The following AGAP1 variants were observed in gnomAD, a reference collection of about 807,000 sequenced individuals.
AGAP1 encodes the protein arf-GAP with GTPase, ANK repeat and PH domain-containing protein 1.
Under a neutral mutation model 105.3 loss-of-function variants are expected in AGAP1, and 29 were observed. That is an observed-to-expected ratio of 0.28 (90% confidence interval 0.21 to 0.38). AGAP1 has a LOEUF of 0.38. Among genes scored for constraint, AGAP1 ranks in the 10% least tolerant of loss-of-function variants. AGAP1 has a pLI of 1.00. For missense variants in AGAP1, 998 were observed against 1,165.1 expected (o/e 0.86, Z 2.09); for synonymous variants, 509 against 485.9 (o/e 1.05, Z -0.63).
At chr2:236,070,017 C>G (rs1046554737) in intron 16 of AGAP1, among the ~76,000 whole-genome samples, 2 of 152,370 alleles carry the variant, frequency 1.3e-5, no homozygotes, top group African/African-American at 4.8e-5. Context: ...TGACGCCACC[C>G]AAGGGCACAC....
chr2:235,643,431 C>CAAAAAAAAAAAAAAAAAACAAAAAAAAA (rs1947264605), intron 1 of AGAP1, among the ~76,000 whole-genome samples: 1 of 61,404 alleles, frequency 1.6e-5, no homozygotes, highest in African/African-American at 6.9e-5. Context: ...GACTGGGTCT[C>CAAAAAAAAAAAAAAAAAACAAAAAAAAA]AAAAAAAAAA....
At chr2:235,924,256 C>G (rs2052336563) in intron 11 of AGAP1, among the ~76,000 whole-genome samples, 1 of 152,162 alleles carries the variant, frequency 6.6e-6, no homozygotes, top group East Asian at 1.9e-4. Context: ...ATTCCAAAGT[C>G]TAAAAGCTGC....
Position 235,860,265 on chromosome 2 carries a change from A to G in AGAP1, c.1051-23080A>G, listed in dbSNP as rs2048874687. ...CATCCTAGCACTCAAGGCAAAAAGGAAGATAATAATGCTGAGCTCTGCTGG... is the reference window on the plus strand; with the variant it reads ...CATCCTAGCACTCAAGGCAAAAAGGGAGATAATAATGCTGAGCTCTGCTGG... On this transcript the variant is annotated intron_variant, in intron 9 of 17. Coordinates refer to ENST00000304032, the MANE Select transcript of AGAP1 (RefSeq NM_001037131.3). Among the ~76,000 whole-genome samples the G allele has an allele frequency of 1.3e-5, 2 of 152,258 alleles. 1 individual carries two copies. Among genetic ancestry groups the G allele is most frequent in the African/African-American group, 4.8e-5 (2 of 41,478 alleles).
At chr2:235,923,404 A>G (rs917786908) in intron 11 of AGAP1, among the ~76,000 whole-genome samples, 2 of 152,182 alleles carry the variant, frequency 1.3e-5, no homozygotes, top group African/African-American at 2.4e-5. Context: ...CAACATACAC[A>G]TAAGACGCAC....
intron 1 of AGAP1, among the ~76,000 whole-genome samples, chr2:235,619,865 T>G (rs1014920584): frequency 6.6e-6 from 1 of 152,198 alleles, no homozygotes; most frequent in Non-Finnish European, 1.5e-5. Context: ...TTCTACTTTT[T>G]TCTGCAAGGT....
chr2:235,623,465 G>A lies in AGAP1; in HGVS notation c.164-85714G>A, dbSNP rs1208792077. ...TGGGATTTGCTGCTTCAAGGTTTCAGGATGACACAAGCCATCGGGTTGAGT... is the reference window on the plus strand; with the variant it reads ...TGGGATTTGCTGCTTCAAGGTTTCAAGATGACACAAGCCATCGGGTTGAGT... On this transcript the variant is annotated intron_variant, in intron 1 of 17. Coordinates refer to ENST00000304032, the MANE Select transcript of AGAP1 (RefSeq NM_001037131.3). This position sits in a 1 kb window ranked among gnomAD's most constrained non-coding sequence, Gnocchi z 4.5. 6.6e-6 allele frequency among the ~76,000 whole-genome samples: 1 copy of A among 152,166 alleles called. No homozygotes were observed. The highest frequency in any genetic ancestry group is 6.5e-5 in the Admixed American group (1 of 15,288).
Position 235,712,783 on chromosome 2 carries a change from C to A in AGAP1, c.222+3546C>A, listed in dbSNP as rs1436979358. ...CTGTGATTTTCAAGACACCTCATTCCTCCTCATGTAGCTCTTTGGCTCGCT... is the reference window on the plus strand; with the variant it reads ...CTGTGATTTTCAAGACACCTCATTCATCCTCATGTAGCTCTTTGGCTCGCT... On this transcript the variant is annotated intron_variant, in intron 2 of 17. Coordinates refer to ENST00000304032, the MANE Select transcript of AGAP1 (RefSeq NM_001037131.3). This position sits in a 1 kb window ranked among gnomAD's most constrained non-coding sequence, Gnocchi z 6.0. Among the ~76,000 whole-genome samples, 2 of 152,222 alleles carry A rather than the reference C, an allele frequency of 1.3e-5. No homozygotes were observed. Among genetic ancestry groups the A allele is most frequent in the African/African-American group, 4.8e-5 (2 of 41,458 alleles).
intron 10 of AGAP1, among the ~76,000 whole-genome samples, chr2:235,895,754 G>A (rs564098827): frequency 2.0e-5 from 3 of 149,960 alleles, no homozygotes; most frequent in Non-Finnish European, 4.4e-5. Context: ...TGGATGAATG[G>A]AGGCACAATT....
intron 3 of AGAP1, among the ~76,000 whole-genome samples, chr2:235,735,515 A>T (rs896883495): frequency 7.2e-5 from 11 of 152,212 alleles, no homozygotes; most frequent in African/African-American, 2.7e-4. Flanking sequence ...ACTGGCTCTC[A>T]CATTGTGAGA....
chr2:235,954,679 C>T lies in AGAP1; in HGVS notation c.1484-13783C>T, dbSNP rs142477605. ...CAGCACACCAGCAGCCTCCACACCCCGCCTCTACCTGCCAACCCCTTGTGA... is the reference window on the plus strand; with the variant it reads ...CAGCACACCAGCAGCCTCCACACCCTGCCTCTACCTGCCAACCCCTTGTGA... On this transcript the variant is annotated intron_variant, in intron 12 of 17. Coordinates refer to ENST00000304032, the MANE Select transcript of AGAP1 (RefSeq NM_001037131.3). Among the ~76,000 whole-genome samples the T allele has an allele frequency of 1.3e-4, 20 of 151,646 alleles. No homozygotes were observed. The East Asian group carries it at 2.5e-3, about 19-fold the overall frequency.
chr2:235,788,324 G>A lies in AGAP1; in HGVS notation c.674-9435G>A, dbSNP rs190614900. On this transcript the variant is annotated intron_variant, in intron 6 of 17. Coordinates refer to ENST00000304032, the MANE Select transcript of AGAP1 (RefSeq NM_001037131.3). The surrounding 1 kb of genome is among the most constrained non-coding windows in gnomAD (Gnocchi z 6.0). Reference sequence around the variant, plus strand: ...GGATAGGAAAAGACCTAGAAGATTTGAGGATTTTAATTCAGGAAAGTCCAC... The same window carrying A: ...GGATAGGAAAAGACCTAGAAGATTTAAGGATTTTAATTCAGGAAAGTCCAC... 1.3e-5 allele frequency among the ~76,000 whole-genome samples: 2 copies of A among 152,308 alleles called. No homozygotes were observed. Among genetic ancestry groups the A allele is most frequent in the Admixed American group, 1.3e-4 (2 of 15,302 alleles).
At chr2:235,985,404 G>A (rs1027216924) in intron 13 of AGAP1, among the ~76,000 whole-genome samples, 1 of 152,164 alleles carries the variant, frequency 6.6e-6, no homozygotes, top group East Asian at 1.9e-4. Flanking sequence ...TAGGTTGCCT[G>A]TTCACTCTGA....
Position 235,951,117 on chromosome 2 carries a change from G to A in AGAP1, c.1484-17345G>A, listed in dbSNP as rs1422840567. 2.0e-5 allele frequency among the ~76,000 whole-genome samples: 3 copies of A among 152,158 alleles called. No homozygotes were observed. Among genetic ancestry groups the A allele is most frequent in the Non-Finnish European group, 4.4e-5 (3 of 68,026 alleles). ...TCATTAATTCTGGAGGTTGCACTCT[G>A]AATGATTTCTTATTTTGTGGAAAAT... On this transcript the variant is annotated intron_variant, in intron 12 of 17. Coordinates refer to ENST00000304032, the MANE Select transcript of AGAP1 (RefSeq NM_001037131.3). This position sits in a 1 kb window ranked among gnomAD's most constrained non-coding sequence, Gnocchi z 4.2.
At chr2:235,826,021 A>T (rs987051188) in intron 9 of AGAP1, among the ~76,000 whole-genome samples, 2 of 152,190 alleles carry the variant, frequency 1.3e-5, no homozygotes, top group Non-Finnish European at 2.9e-5. Flanking sequence ...CAGAAAAAAA[A>T]AAATAGAAAC....
chr2:235,876,020 A>G (rs996338728), intron 9 of AGAP1, among the ~76,000 whole-genome samples: 1 of 152,224 alleles, frequency 6.6e-6, no homozygotes, highest in South Asian at 2.1e-4. Context: ...TGTCAGACCC[A>G]TGACCAAGAT....
rs371177722 is a variant in AGAP1, at chr2:235,930,835, C to T, written c.1395C>T (p.Pro465=). The T allele has an allele frequency of 1.2e-5, 20 of 1,613,946 alleles. No individual in the cohort carries two copies. The highest frequency in any genetic ancestry group is 1.6e-4 in the Middle Eastern group (1 of 6,084). Residue 465 remains proline (P), a synonymous_variant, in exon 12 of 18, where the codon CCC becomes CCT. Coordinates refer to ENST00000304032, the MANE Select transcript of AGAP1 (RefSeq NM_001037131.3). This position sits in a 1 kb window ranked among gnomAD's most constrained non-coding sequence, Gnocchi z 7.9. ...GCCTGGTCTCCTTCAACAGCCGACC[C>T]GACGGCATGCACCAGCGCTCCTACT... ...GISLVSFNSR[P]DGMHQRSYSV... is the part of the protein sequence containing the mutation.
chr2:236,111,789 C>CA lies in AGAP1; in HGVS notation c.2115-8385dup, dbSNP rs3030776. On this transcript the variant is annotated intron_variant, in intron 16 of 17. Coordinates refer to ENST00000304032, the MANE Select transcript of AGAP1 (RefSeq NM_001037131.3). ...CCTAGGCAACAGTGCGACTCTATCTCAAAAAAAAAAAAAAAAAAGAAAGGG... is the reference window on the plus strand; with the variant it reads ...CCTAGGCAACAGTGCGACTCTATCTCAAAAAAAAAAAAAAAAAAAGAAAGGG... Among the ~76,000 whole-genome samples, 1,034 of 120,190 alleles carry CA rather than the reference C, an allele frequency of 8.6e-3. 8 individuals carry two copies. Among genetic ancestry groups the CA allele is most frequent in the Non-Finnish European group, 0.014 (750 of 54,300 alleles). 78.8% of individuals were successfully genotyped at this position (120,190 alleles called of 152,430 possible).
chr2:235,832,467 A>G, intron 9 of AGAP1, among the ~76,000 whole-genome samples: 1 of 152,338 alleles, frequency 6.6e-6, no homozygotes, highest in Non-Finnish European at 1.5e-5. Flanking sequence ...CCTCAAAATC[A>G]TCAACTCTTC....
In AGAP1 at chr2:235,654,553, C is replaced by T. The variant is rs936595333; in HGVS notation, c.164-54626C>T. ...TAGTAAAAAGTAAAGAATGGTTCAC[C>T]AAGTCAGAGGTCATCCTCAGATGTC... On this transcript the variant is annotated intron_variant, in intron 1 of 17. Transcript: ENST00000304032. 8.5e-5 allele frequency among the ~76,000 whole-genome samples: 13 copies of T among 152,274 alleles called. No homozygotes were observed. The East Asian group carries it at 2.5e-3, about 29-fold the overall frequency.
Sources: allele counts gnomAD v4.1 joint callset (sites outside exome capture counted in the v4.1 genomes callset), GRCh38; gene constraint gnomAD v4.1.1; non-coding constraint Gnocchi (gnomAD v3.1); transcripts MANE v1.5; gene names NCBI Gene and HGNC (gene_info 2026-07-23, HGNC 2026-07-21).